The following ABHD3 variants were observed in gnomAD, a reference collection of about 807,000 sequenced individuals.
ABHD3 encodes abhydrolase domain containing 3, phospholipase.
ABHD3 carries 46 observed loss-of-function variants against 48.8 expected under a neutral mutation model. The ratio of observed to expected loss-of-function variants is 0.94; its 90% CI spans 0.74 to 1.20. The LOEUF is 1.20. ABHD3 is among the 50% of genes most tolerant of loss of function. The pLI, the probability that ABHD3 is intolerant of heterozygous loss-of-function variation, is 0.00. For missense variants in ABHD3, 490 were observed against 497.8 expected (o/e 0.98, Z 0.15); for synonymous variants, 192 against 183.7 (o/e 1.04, Z -0.36).
At chr18:21,684,211 A>G (rs1260137212) in intron 3 of ABHD3, among the ~76,000 whole-genome samples, 1 of 152,122 alleles carries the variant, frequency 6.6e-6, no homozygotes, top group Non-Finnish European at 1.5e-5. Context: ...TTTTCCTACC[A>G]AGAGTAGACT....
In ABHD3 at chr18:21,656,874, G is replaced by C; in HGVS notation, c.1044C>G (p.Phe348Leu). Residue 348 changes from phenylalanine to leucine, a missense_variant, in exon 8 of 9, where the codon TTC becomes TTG. Phe to Leu is a conservative substitution (Grantham distance 22). Transcript: ENST00000289119. ...VLCLNSVDDVFSPSHAIPIET... is the reference protein window; with the variant it reads ...VLCLNSVDDVLSPSHAIPIET... ...TGTTAATTTTACCATGACTGGGTGAGAAAACATCATCCACAGAATTTAGAC... is the reference window on the plus strand; with the variant it reads ...TGTTAATTTTACCATGACTGGGTGACAAAACATCATCCACAGAATTTAGAC... The C allele has an allele frequency of 6.3e-7, 1 of 1,597,188 alleles. No homozygotes were observed. Among genetic ancestry groups the C allele is most frequent in the East Asian group, 2.2e-5 (1 of 44,482 alleles).
chr18:21,690,303 A>C (rs1381685602), intron 3 of ABHD3, among the ~76,000 whole-genome samples: 2 of 152,144 alleles, frequency 1.3e-5, no homozygotes, highest in South Asian at 2.1e-4. Context: ...TATAAAAAAA[A>C]AACAACATAC....
rs1368564607 is a variant in ABHD3 at position 21,668,419 on chromosome 18, C to G, written c.556-4189G>C. ...TATATTCTTATTATATAGGCTTTAA[C>G]TATATGTGTATATGTAAGAATGCAT... is the stretch of plus-strand genomic sequence containing the variant. On this transcript the variant is annotated intron_variant, in intron 4 of 8. Coordinates refer to ENST00000289119, the MANE Select transcript of ABHD3 (RefSeq NM_138340.5). Among the ~76,000 whole-genome samples the G allele has an allele frequency of 5.3e-5, 8 of 152,000 alleles. No homozygotes were observed. The East Asian group carries it at 1.4e-3, about 26-fold the overall frequency.
At position 21,703,603 on chromosome 18, in the gene ABHD3, G is replaced by A. The variant is rs200811231; in HGVS notation, c.307C>T (p.Pro103Ser). The A allele has an allele frequency of 4.8e-5, 77 of 1,613,204 alleles. No homozygotes were observed. Among genetic ancestry groups the A allele is most frequent in the Non-Finnish European group, 6.4e-5 (75 of 1,179,284 alleles). The change falls in exon 2 of 9, where the codon CCC becomes TCC. Residue 103 changes from proline to serine, a missense_variant. Transcript: ENST00000289119. ...ACTTACTTCCTGTACTGCACCGGGG[G>A]CTTCGAAGTGATGAAAGGTCTAAGC... ...TLLRPFITSK[P>S]PVQYRNELIK... is the part of the protein sequence containing the mutation.
intron 4 of ABHD3, chr18:21,683,572 A>G (rs1280160499): frequency 7.9e-6 from 4 of 504,884 alleles, no homozygotes; most frequent in Middle Eastern, 3.5e-4. Context: ...AGCTGGGTTG[A>G]GAGGGTAGAA....
intron 4 of ABHD3, among the ~76,000 whole-genome samples, chr18:21,676,111 C>T (rs1414642613): frequency 6.6e-6 from 1 of 152,166 alleles, no homozygotes; most frequent in Non-Finnish European, 1.5e-5. Flanking sequence ...AATACCATCA[C>T]CTTGATGGGT....
Position 21,656,952 on chromosome 18 carries a change from A to T in ABHD3, c.966T>A (p.Tyr322Ter). 1 of 1,614,098 alleles carries T rather than the reference A, an allele frequency of 6.2e-7. No individual in the cohort carries two copies. The highest frequency in any genetic ancestry group is 8.5e-7 in the Non-Finnish European group (1 of 1,179,974). Reference protein sequence around the residue: ...MFGYQTIDDYYTDASPSPRLK... With the variant: ...MFGYQTIDDY Reference sequence around the variant, plus strand: ...GTCTAGGACTCGGACTGGCATCAGTATAATAATCATCAATTGTTTGGTATC... The same window carrying T: ...GTCTAGGACTCGGACTGGCATCAGTTTAATAATCATCAATTGTTTGGTATC... Residue 322 changes from tyrosine (Y) to a stop codon, truncating the protein, a stop_gained, in exon 8 of 9, where the codon TAT (tyrosine) becomes TAA (stop). Coordinates refer to ENST00000289119, the MANE Select transcript of ABHD3 (RefSeq NM_138340.5). LOFTEE classifies it high-confidence loss of function.
At position 21,659,320 on chromosome 18, in the gene ABHD3, C is replaced by T; in HGVS notation, c.692G>A (p.Gly231Asp). ...CAAAGGCGTTTTGGACCCAATTTTG[C>T]CCAAGTAATTTAGAAGCAGCATTCT... is the stretch of plus-strand genomic sequence containing the variant. ...MGGMLLLNYL[G>D]KIGSKTPLMA... Residue 231 changes from glycine (G) to aspartate (D), a missense_variant, in exon 6 of 9, where the codon GGC becomes GAC. Gly to Asp is a moderately conservative substitution (Grantham distance 94). Coordinates refer to ENST00000289119, the MANE Select transcript of ABHD3 (RefSeq NM_138340.5). The T allele has an allele frequency of 6.2e-7, 1 of 1,608,800 alleles. No homozygotes were observed. The highest frequency in any genetic ancestry group is 1.7e-5 in the Admixed American group (1 of 58,454).
At position 21,656,937 on chromosome 18, in the gene ABHD3, C is replaced by G. The variant is rs377682556; in HGVS notation, c.981G>C (p.Pro327=). 6.2e-7 allele frequency: 1 copy of G among 1,613,758 alleles called. No homozygotes were observed. The highest frequency in any genetic ancestry group is 1.3e-5 in the African/African-American group (1 of 74,916). Residue 327 remains proline (P), a synonymous_variant, in exon 8 of 9, where the codon CCG becomes CCC. Transcript: ENST00000289119. ...TTCCTACTGACTTCAGTCTAGGACT[C>G]GGACTGGCATCAGTATAATAATCAT... ...TIDDYYTDAS[P]SPRLKSVGIP... is the part of the protein sequence containing the mutation.
intron 4 of ABHD3, among the ~76,000 whole-genome samples, chr18:21,670,596 A>T (rs916290758): frequency 2.0e-5 from 3 of 152,198 alleles, no homozygotes; most frequent in African/African-American, 7.2e-5. Flanking sequence ...AAATGTACAG[A>T]TGCAGACCAA....
intron 4 of ABHD3, among the ~76,000 whole-genome samples, chr18:21,679,564 T>C (rs2039961265): frequency 6.6e-6 from 1 of 152,270 alleles, no homozygotes; most frequent in Admixed American, 6.5e-5. Flanking sequence ...AGTCTCGCTC[T>C]GTCGCCCAGG....
At chr18:21,699,831 C>T (rs892291612) in intron 3 of ABHD3, among the ~76,000 whole-genome samples, 11 of 152,002 alleles carry the variant, frequency 7.2e-5, no homozygotes, top group Admixed American at 6.6e-4. Flanking sequence ...GCACGCGCTG[C>T]CATGCCTGGC....
chr18:21,675,961 T>A (rs958528227), intron 4 of ABHD3, among the ~76,000 whole-genome samples: 1 of 152,086 alleles, frequency 6.6e-6, no homozygotes, highest in Non-Finnish European at 1.5e-5. Context: ...CAATGTATTA[T>A]ATACTTGAAA....
At chr18:21,660,002 C>T (rs2039452254) in intron 5 of ABHD3, among the ~76,000 whole-genome samples, 2 of 141,324 alleles carry the variant, frequency 1.4e-5, no homozygotes, top group Non-Finnish European at 3.0e-5. Context: ...GGCTCTGTAG[C>T]CCAGGTTGGA....
Position 21,702,313 on chromosome 18 carries a change from T to A in ABHD3, c.509+3A>T, listed in dbSNP as rs1182866934. On this transcript the variant is annotated splice_donor_region_variant and intron_variant, in intron 3 of 8. Coordinates refer to ENST00000289119, the MANE Select transcript of ABHD3 (RefSeq NM_138340.5). ...TGAAAAAAAAGAAATCTTTTACTGG[T>A]ACCTGTATCCTAATTCTTCACTAAG... 1.9e-6 allele frequency: 3 copies of A among 1,571,742 alleles called. No homozygotes were observed. The South Asian group carries it at 3.5e-5, about 18-fold the overall frequency.
intron 3 of ABHD3, chr18:21,701,670 T>C: frequency 6.6e-6 from 1 of 152,138 alleles, no homozygotes; most frequent in Non-Finnish European, 1.5e-5. Context: ...CCTTTTATAA[T>C]GACTCTAAGA....
In ABHD3 at chr18:21,702,160, A is replaced by C. The variant is rs573190259; in HGVS notation, c.509+156T>G. On this transcript the variant is annotated intron_variant, in intron 3 of 8. Transcript: ENST00000289119. ...TGATTCAGTTATGCATCTTCCTGAAAAGAAAGAGGAAAAAAAGAATGCAGA... is the reference window on the plus strand; with the variant it reads ...TGATTCAGTTATGCATCTTCCTGAACAGAAAGAGGAAAAAAAGAATGCAGA... 5.0e-5 allele frequency: 32 copies of C among 638,536 alleles called. No individual in the cohort carries two copies. In the South Asian group the frequency reaches 8.8e-4, roughly 18 times the overall value. The allele number at this position is 638,536 out of a possible 1,614,324, so 39.6% of individuals were successfully genotyped here. A position where few individuals can be genotyped will look rare whatever the true frequency, so the allele number is the denominator to read the frequency against.
intron 4 of ABHD3, 49 bp from the exon 5 acceptor site, chr18:21,664,279 G>A: frequency 6.4e-7 from 1 of 1,561,948 alleles, no homozygotes; most frequent in South Asian, 1.2e-5. Flanking sequence ...TGAGGTTAAT[G>A]ATTTGTAAAA....
intron 3 of ABHD3, chr18:21,701,231 T>C: frequency 6.6e-6 from 1 of 151,966 alleles, no homozygotes; most frequent in Admixed American, 6.6e-5. Context: ...TTTTTTCTTT[T>C]TGCCCAAGGT....
Sources: allele counts gnomAD v4.1 joint callset (sites outside exome capture counted in the v4.1 genomes callset), GRCh38; gene constraint gnomAD v4.1.1; transcripts MANE v1.5; gene names NCBI Gene and HGNC (gene_info 2026-07-23, HGNC 2026-07-21).